Variants in RASAL2 observed in about 807,000 individuals in gnomAD.
RASAL2 encodes the protein ras GTPase-activating protein nGAP.
Under a neutral mutation model 128.9 loss-of-function variants are expected in RASAL2, and 58 were observed. That is an observed-to-expected ratio of 0.45 (90% CI 0.36 to 0.56). RASAL2 has a LOEUF of 0.56. RASAL2 is among the 20% of genes least tolerant of loss of function. The pLI, the probability that RASAL2 is intolerant of heterozygous loss-of-function variation, is 0.00. For missense variants in RASAL2, 1,360 were observed against 1,601.6 expected (o/e 0.85, Z 2.57); for synonymous variants, 561 against 580.8 (o/e 0.97, Z 0.49).
intron 15 of RASAL2, among the ~76,000 whole-genome samples, chr1:178,464,644 G>A (rs1377836413): frequency 6.6e-6 from 1 of 150,906 alleles, no homozygotes; most frequent in African/African-American, 2.4e-5. Context: ...GTGGCAGTTA[G>A]CTACTATTTT....
At chr1:178,181,058 A>G (rs893621171) in intron 1 of RASAL2, among the ~76,000 whole-genome samples, 2 of 152,082 alleles carry the variant, frequency 1.3e-5, no homozygotes, top group African/African-American at 2.4e-5. Flanking sequence ...TGATATTGAT[A>G]CTTTGTAGCT....
chr1:178,180,820 A>T (rs879426053), intron 1 of RASAL2, among the ~76,000 whole-genome samples: 323 of 147,518 alleles, frequency 2.2e-3, no homozygotes, highest in East Asian at 0.01. Context: ...TACTTTACTT[A>T]AAAAAAAAAA....
At chr1:178,336,408 G>A (rs895097653) in intron 3 of RASAL2, among the ~76,000 whole-genome samples, 2 of 151,966 alleles carry the variant, frequency 1.3e-5, no homozygotes, top group African/African-American at 2.4e-5. Flanking sequence ...AGATTTTATA[G>A]AAACAGTAGC....
intron 1 of RASAL2, among the ~76,000 whole-genome samples, chr1:178,164,837 G>T (rs1661466460): frequency 6.7e-6 from 1 of 148,832 alleles, no homozygotes; most frequent in Non-Finnish European, 1.5e-5. Flanking sequence ...GTGTGTGTGT[G>T]TGTGTGTGTG....
intron 3 of RASAL2, among the ~76,000 whole-genome samples, chr1:178,354,438 G>C (rs1368349424): frequency 6.6e-6 from 1 of 152,138 alleles, no homozygotes; most frequent in Non-Finnish European, 1.5e-5. Flanking sequence ...ACCAAGGCTG[G>C]GATGTCCATT....
At chr1:178,288,993 T>C (rs2102233242) in intron 2 of RASAL2, among the ~76,000 whole-genome samples, 1 of 152,142 alleles carries the variant, frequency 6.6e-6, no homozygotes, top group East Asian at 1.9e-4. Context: ...TTAACCTCAC[T>C]TGTACCTCCA....
At chr1:178,335,408 C>T (rs1049171045) in intron 3 of RASAL2, among the ~76,000 whole-genome samples, 2 of 151,930 alleles carry the variant, frequency 1.3e-5, no homozygotes, top group East Asian at 1.9e-4. Flanking sequence ...AATAAGTAGC[C>T]GCTGAACTGA....
Position 178,470,589 on chromosome 1 carries a change from T to C in RASAL2, c.3679-2486T>C, listed in dbSNP as rs1466214015. The C allele has an allele frequency of 5.5e-6, 5 of 904,882 alleles. 1 individual carries two copies. The highest frequency in any genetic ancestry group is 8.0e-6 in the Non-Finnish European group (5 of 628,110). 56.1% of individuals were successfully genotyped at this position (904,882 alleles called of 1,614,324 possible). On this transcript the variant is annotated intron_variant, in intron 17 of 17. Coordinates refer to ENST00000367649, the MANE Select transcript of RASAL2 (RefSeq NM_170692.4). Reference sequence around the variant, plus strand: ...GACACTGTGGCTCCCAGGATCTCTCTATGTGACTCAGGTGGAGAACAGAGA... The same window carrying C: ...GACACTGTGGCTCCCAGGATCTCTCCATGTGACTCAGGTGGAGAACAGAGA...
chr1:178,107,600 A>T (rs372399732), intron 1 of RASAL2, among the ~76,000 whole-genome samples: 2 of 152,054 alleles, frequency 1.3e-5, no homozygotes, highest in East Asian at 1.9e-4. Context: ...TCATCTTCAA[A>T]CTTCCCATTA....
intron 5 of RASAL2, among the ~76,000 whole-genome samples, chr1:178,434,901 TC>T (rs1676155595): frequency 6.6e-6 from 1 of 152,072 alleles, no homozygotes; most frequent in Non-Finnish European, 1.5e-5. Flanking sequence ...GCTACATTTT[TC>T]CCAAAGTGAA....
intron 15 of RASAL2, among the ~76,000 whole-genome samples, chr1:178,464,687 T>C (rs1647465979): frequency 6.6e-6 from 1 of 151,904 alleles, no homozygotes; most frequent in African/African-American, 2.4e-5. Context: ...TAGAGGACAC[T>C]CTACTATTCA....
chr1:178,255,277 T>TCC, intron 1 of RASAL2, among the ~76,000 whole-genome samples: 1 of 152,176 alleles, frequency 6.6e-6, no homozygotes, highest in South Asian at 2.1e-4. Context: ...AGAGCTCCAG[T>TCC]AAAGCTAATT....
chr1:178,310,610 A>G (rs1668198265), intron 3 of RASAL2, among the ~76,000 whole-genome samples: 1 of 152,144 alleles, frequency 6.6e-6, no homozygotes, highest in African/African-American at 2.4e-5. Context: ...ATCAGTTCTC[A>G]ATTCTAAGTT....
In RASAL2 at chr1:178,467,435, G is replaced by A. The variant is rs1647838179; in HGVS notation, c.3678+14G>A. ...ATTGATGCACAGGTAAGCAGGCTTTGAATCTAATAGAAGGCACTTGTTTAT... is the reference window on the plus strand; with the variant it reads ...ATTGATGCACAGGTAAGCAGGCTTTAAATCTAATAGAAGGCACTTGTTTAT... On this transcript the variant is annotated intron_variant, in intron 17 of 17. Transcript: ENST00000367649. 6.2e-7 allele frequency: 1 copy of A among 1,603,174 alleles called. No homozygotes were observed. The highest frequency in any genetic ancestry group is 1.7e-5 in the Admixed American group (1 of 60,014).
chr1:178,320,049 T>A (rs1267369088), intron 3 of RASAL2, among the ~76,000 whole-genome samples: 13 of 151,866 alleles, frequency 8.6e-5, no homozygotes, highest in East Asian at 3.9e-4. Context: ...TGGAATACCC[T>A]GCCATGTGAG....
chr1:178,298,735 A>G (rs1667625955), intron 2 of RASAL2, among the ~76,000 whole-genome samples: 1 of 152,222 alleles, frequency 6.6e-6, no homozygotes, highest in African/African-American at 2.4e-5. Flanking sequence ...AGACTTGCAC[A>G]TGTAAGAACT....
intron 1 of RASAL2, among the ~76,000 whole-genome samples, chr1:178,271,609 C>T (rs1390504379): frequency 6.6e-6 from 1 of 152,110 alleles, no homozygotes; most frequent in Non-Finnish European, 1.5e-5. Context: ...CTAGATGTGA[C>T]CCAAACTGAA....
At chr1:178,363,520 C>T (rs1026027460) in intron 3 of RASAL2, among the ~76,000 whole-genome samples, 1 of 152,216 alleles carries the variant, frequency 6.6e-6, no homozygotes, top group African/African-American at 2.4e-5. Context: ...CGGTACCACA[C>T]GTCCAAAGTT....
chr1:178,212,458 C>T (rs898160605), intron 1 of RASAL2, among the ~76,000 whole-genome samples: 6 of 152,064 alleles, frequency 3.9e-5, no homozygotes, highest in African/African-American at 9.7e-5. Flanking sequence ...ATAAACAACG[C>T]GAAGGAAGTG....
Sources: gnomAD v4.1 joint callset for allele counts (sites outside exome capture counted in the v4.1 genomes callset) on GRCh38, gnomAD v4.1.1 for gene constraint, MANE v1.5 for transcripts, NCBI Gene and HGNC (gene_info 2026-07-23, HGNC 2026-07-21) for gene names.